Variants in KIAA0825 observed in about 807,000 individuals in gnomAD.
KIAA0825 encodes the protein KIAA0825, also known as uncharacterized protein KIAA0825.
In KIAA0825, 119 loss-of-function variants were observed where a neutral mutation model predicts 147.6. The ratio of observed to expected loss-of-function variants is 0.81; its 90% confidence interval spans 0.69 to 0.94. KIAA0825 has a LOEUF of 0.94. Among genes scored for constraint, KIAA0825 ranks in the 40% least tolerant of loss-of-function variants. KIAA0825 has a pLI of 0.00. For missense variants in KIAA0825, 1,381 were observed against 1,472.7 expected (o/e 0.94, Z 1.02); for synonymous variants, 470 against 518.1 (o/e 0.91, Z 1.26).
chr5:94,280,869 A>G (rs997641101), intron 20 of KIAA0825, among the ~76,000 whole-genome samples: 1 of 152,138 alleles, frequency 6.6e-6, no homozygotes, highest in African/African-American at 2.4e-5. Flanking sequence ...AATCAACAAC[A>G]TAACTCCAGG....
intron 20 of KIAA0825, among the ~76,000 whole-genome samples, chr5:94,262,473 A>G (rs913802133): frequency 2.0e-5 from 3 of 152,224 alleles, no homozygotes; most frequent in African/African-American, 7.2e-5. Context: ...GTATACCTAC[A>G]CAAAGATAAA....
intron 20 of KIAA0825, among the ~76,000 whole-genome samples, chr5:94,258,336 A>T (rs10463185): frequency 0.13 from 20,304 of 151,938 alleles, 1,598 homozygotes; most frequent in East Asian, 0.22. Flanking sequence ...TTTTCTATTA[A>T]CTTGGACTTC....
intron 5 of KIAA0825, among the ~76,000 whole-genome samples, chr5:94,500,648 G>C (rs561610509): frequency 3.3e-4 from 51 of 152,262 alleles, no homozygotes; most frequent in Admixed American, 2.0e-3. Context: ...GTAGAAGTAT[G>C]AATCTCCAGG....
intron 20 of KIAA0825, among the ~76,000 whole-genome samples, chr5:94,286,789 C>A (rs989727196): frequency 2.6e-5 from 4 of 152,098 alleles, no homozygotes; most frequent in Non-Finnish European, 4.4e-5. Flanking sequence ...TTGTGCCACA[C>A]GGAGCTGTCT....
intron 2 of KIAA0825, among the ~76,000 whole-genome samples, chr5:94,576,761 T>C (rs551718076): frequency 1.3e-5 from 2 of 152,352 alleles, no homozygotes; most frequent in Non-Finnish European, 2.9e-5. Context: ...AAGAGACATC[T>C]ACTCACGGAA....
At chr5:94,259,445 G>A (rs1262988844) in intron 20 of KIAA0825, among the ~76,000 whole-genome samples, 3 of 151,986 alleles carry the variant, frequency 2.0e-5, no homozygotes, top group Non-Finnish European at 4.4e-5. Context: ...AATAACTCAT[G>A]AAACACACAG....
chr5:94,541,051 T>C (rs568522562), intron 2 of KIAA0825, among the ~76,000 whole-genome samples: 13 of 152,238 alleles, frequency 8.5e-5, no homozygotes, highest in Non-Finnish European at 4.4e-5. Context: ...AGATTGTCTG[T>C]GTAAGTTGTG....
intron 2 of KIAA0825, among the ~76,000 whole-genome samples, chr5:94,548,101 G>C (rs190170601): frequency 6.6e-6 from 1 of 152,158 alleles, no homozygotes; most frequent in Non-Finnish European, 1.5e-5. Context: ...GTAATTGTAA[G>C]AACAAAGAAA....
At chr5:94,421,298 G>T (rs1335312250) in intron 14 of KIAA0825, among the ~76,000 whole-genome samples, 3 of 152,218 alleles carry the variant, frequency 2.0e-5, no homozygotes, top group Admixed American at 6.5e-5. Flanking sequence ...GTTCATGGGG[G>T]CTCCCCCAGA....
At chr5:94,336,609 G>T (rs1244238675) in intron 20 of KIAA0825, among the ~76,000 whole-genome samples, 3 of 152,090 alleles carry the variant, frequency 2.0e-5, no homozygotes, top group Non-Finnish European at 2.9e-5. Context: ...TTTTATGGCT[G>T]CATAGTATTC....
chr5:94,383,823 G>GTGTGTA (rs1305169873), intron 20 of KIAA0825, among the ~76,000 whole-genome samples: 1 of 149,272 alleles, frequency 6.7e-6, no homozygotes. Flanking sequence ...GTGTGTGTGT[G>GTGTGTA]TATCTTTGTG....
intron 20 of KIAA0825, among the ~76,000 whole-genome samples, chr5:94,286,404 T>C (rs1328538279): frequency 1.3e-5 from 2 of 152,164 alleles, no homozygotes. Context: ...CCTGACTGAC[T>C]AAGATTTCTT....
intron 20 of KIAA0825, among the ~76,000 whole-genome samples, chr5:94,357,329 G>T (rs1185853373): frequency 6.6e-6 from 1 of 151,992 alleles, no homozygotes; most frequent in Non-Finnish European, 1.5e-5. Context: ...AGGAGAAAAG[G>T]TTTTTAGAAT....
chr5:94,609,970 T>C lies in KIAA0825; in HGVS notation c.-153+8530A>G, dbSNP rs558198145. On this transcript the variant is annotated intron_variant, in intron 1 of 20. Transcript: ENST00000682413. ...ACTGAACTGCCATGAGCATTTCCGATGGCTAGCATGAATATATGCTAGAGA... is the reference window on the plus strand; with the variant it reads ...ACTGAACTGCCATGAGCATTTCCGACGGCTAGCATGAATATATGCTAGAGA... Among the ~76,000 whole-genome samples the C allele has an allele frequency of 1.2e-4, 19 of 152,282 alleles. No homozygotes were observed. In the East Asian group the frequency reaches 3.7e-3, roughly 29 times the overall value.
chr5:94,255,720 T>TTTC (rs1776215735), intron 20 of KIAA0825, among the ~76,000 whole-genome samples: 1 of 124,348 alleles, frequency 8.0e-6, no homozygotes, highest in Non-Finnish European at 1.7e-5. Context: ...TTTTTTTTTT[T>TTTC]TTTTTTTTTT....
intron 2 of KIAA0825, among the ~76,000 whole-genome samples, chr5:94,551,192 G>A (rs2152255286): frequency 6.6e-6 from 1 of 151,784 alleles, no homozygotes; most frequent in East Asian, 1.9e-4. Flanking sequence ...AAAAAAAAAT[G>A]CAGAAAGCCT....
chr5:94,317,113 T>C (rs1289584403), intron 20 of KIAA0825, among the ~76,000 whole-genome samples: 4 of 151,784 alleles, frequency 2.6e-5, no homozygotes, highest in Non-Finnish European at 5.9e-5. Flanking sequence ...GTCACAACCC[T>C]CAAGTGGGAA....
At chr5:94,489,143 T>C (rs1241142021) in intron 5 of KIAA0825, among the ~76,000 whole-genome samples, 2 of 152,168 alleles carry the variant, frequency 1.3e-5, no homozygotes, top group Non-Finnish European at 2.9e-5. Context: ...AACATTATCA[T>C]AGTATTTTTG....
intron 20 of KIAA0825, among the ~76,000 whole-genome samples, chr5:94,356,543 C>T (rs1413658935): frequency 2.6e-5 from 4 of 150,984 alleles, no homozygotes; most frequent in East Asian, 4.0e-4. Flanking sequence ...ACCCGGGAGG[C>T]GGACTTGCAG....
Sources: gnomAD v4.1 joint callset for allele counts (sites outside exome capture counted in the v4.1 genomes callset) on GRCh38, gnomAD v4.1.1 for gene constraint, MANE v1.5 for transcripts, NCBI Gene and HGNC (gene_info 2026-07-23, HGNC 2026-07-21) for gene names.